Variants in CDC73 observed in about 807,000 individuals in gnomAD.
CDC73 encodes cell division cycle 73.
In CDC73, 21 loss-of-function variants were observed where a neutral mutation model predicts 83.7. That is an observed-to-expected ratio of 0.25 (90% CI 0.18 to 0.36). The LOEUF (loss-of-function observed/expected upper bound fraction) is 0.36. Among genes scored for constraint, CDC73 ranks in the 10% least tolerant of loss-of-function variants. The pLI is 1.00. For missense variants in CDC73, 342 were observed against 653.3 expected (o/e 0.52, Z 5.19); for synonymous variants, 224 against 212.9 (o/e 1.05, Z -0.45).
intron 15 of CDC73, among the ~76,000 whole-genome samples, chr1:193,244,204 A>C (rs1677912180): frequency 6.6e-6 from 1 of 152,246 alleles, no homozygotes; most frequent in African/African-American, 2.4e-5. Context: ...GTAAATCATT[A>C]TTTTATAACC....
At chr1:193,212,173 C>G in intron 12 of CDC73, 73 bp downstream of exon 12, 1 of 1,228,554 alleles carries the variant, frequency 8.1e-7, no homozygotes, top group Non-Finnish European at 1.2e-6. Context: ...TGATAATTTT[C>G]TTGTGCAGCT....
At chr1:193,181,254 G>C (rs770667754) in intron 10 of CDC73, 1 of 1,613,954 alleles carries the variant, frequency 6.2e-7, no homozygotes, top group African/African-American at 1.3e-5. Context: ...GTGGTGACAG[G>C]TCTGTGTTAT....
At chr1:193,181,002 T>G in intron 10 of CDC73, 1 of 1,613,690 alleles carries the variant, frequency 6.2e-7, no homozygotes, top group Non-Finnish European at 8.5e-7. Flanking sequence ...ACAAAAATAT[T>G]CTTGTGATTT....
At chr1:193,128,379 A>ACCC (rs1464277158) in intron 2 of CDC73, among the ~76,000 whole-genome samples, 2 of 151,558 alleles carry the variant, frequency 1.3e-5, no homozygotes, top group African/African-American at 4.9e-5. Context: ...CCACAGCCTT[A>ACCC]CCCTCCCGGG....
rs1678098499 is a variant in CDC73 at position 193,254,414 on chromosome 1, C to T, written c.*3702C>T. 6.6e-6 allele frequency among the ~76,000 whole-genome samples: 1 copy of T among 152,022 alleles called. No individual in the cohort carries two copies. The highest frequency in any genetic ancestry group is 2.4e-5 in the African/African-American group (1 of 41,426). On this transcript the variant is annotated 3_prime_UTR_variant, in exon 17 of 17. Transcript: ENST00000367435. ...TCACTTGTGTTTGAGATTCACCCAG[C>T]TATTCTAATGATAGAAATAAAAAGT...
At chr1:193,162,321 A>G (rs1676350335) in intron 10 of CDC73, among the ~76,000 whole-genome samples, 1 of 135,850 alleles carries the variant, frequency 7.4e-6, no homozygotes, top group South Asian at 2.1e-4. Context: ...TATATATCAT[A>G]TATACTATAT....
chr1:193,217,606 T>C (rs1230549255), intron 13 of CDC73, among the ~76,000 whole-genome samples: 2 of 152,028 alleles, frequency 1.3e-5, no homozygotes, highest in Admixed American at 1.3e-4. Context: ...ATCCAGCTGC[T>C]TGTGTCTTCT....
intron 13 of CDC73, among the ~76,000 whole-genome samples, chr1:193,212,860 T>C (rs1677302255): frequency 6.6e-6 from 1 of 152,140 alleles, no homozygotes. Context: ...GGGGCATAGT[T>C]ATTTAACCTA....
At chr1:193,211,389 A>G (rs957217322) in intron 11 of CDC73, among the ~76,000 whole-genome samples, 11 of 152,170 alleles carry the variant, frequency 7.2e-5, no homozygotes, top group Admixed American at 5.2e-4. Context: ...TTTATCGTAG[A>G]TGTTAGCAAC....
At chr1:193,172,760 C>A (rs1226483795) in intron 10 of CDC73, among the ~76,000 whole-genome samples, 1 of 152,108 alleles carries the variant, frequency 6.6e-6, no homozygotes, top group Non-Finnish European at 1.5e-5. Context: ...GTCAGGTCCA[C>A]CTAAATAGAA....
chr1:193,223,122 C>G (rs555515796), intron 13 of CDC73, among the ~76,000 whole-genome samples: 1 of 151,898 alleles, frequency 6.6e-6, no homozygotes, highest in East Asian at 1.9e-4. Flanking sequence ...TTTTCTAAGC[C>G]TTGGTTTTTG....
intron 10 of CDC73, among the ~76,000 whole-genome samples, chr1:193,196,960 A>G (rs1677013263): frequency 6.6e-6 from 1 of 152,034 alleles, no homozygotes; most frequent in Non-Finnish European, 1.5e-5. Flanking sequence ...TCTGGCTGGA[A>G]CTTTCAGTAT....
At chr1:193,131,035 T>C (rs1675684767) in intron 3 of CDC73, among the ~76,000 whole-genome samples, 2 of 152,216 alleles carry the variant, frequency 1.3e-5, no homozygotes, top group South Asian at 4.1e-4. Context: ...CTTTCAGTTT[T>C]ATGGCTCAGA....
rs1343485327 is a variant in CDC73 at position 193,161,729 on chromosome 1, A to T, written c.972+9285A>T. Among the ~76,000 whole-genome samples, 20 of 11,636 alleles carry T rather than the reference A, an allele frequency of 1.7e-3. 6 individuals carry two copies. The highest frequency in any genetic ancestry group is 2.2e-3 in the African/African-American group (9 of 4,130). 7.6% of individuals were successfully genotyped at this position (11,636 alleles called of 152,430 possible). A position where few individuals can be genotyped will look rare whatever the true frequency, so the allele number is the denominator to read the frequency against. Reference sequence around the variant, plus strand: ...ATCTATCATATAATATAATATATATAATATATAATATATATCATATTATAT... The same window carrying T: ...ATCTATCATATAATATAATATATATTATATATAATATATATCATATTATAT... On this transcript the variant is annotated intron_variant, in intron 10 of 16. Coordinates refer to ENST00000367435, the MANE Select transcript of CDC73 (RefSeq NM_024529.5).
rs1404558948 is a variant in CDC73 at position 193,253,274 on chromosome 1, T to C, written c.*2562T>C. ...ACAAGACCTGGTCATCAGTATTTTT[T>C]TTAAAGTTCTCCAGGTAATTTGAAT... On this transcript the variant is annotated 3_prime_UTR_variant, in exon 17 of 17. Transcript: ENST00000367435. The C allele has an allele frequency of 4.3e-6, 1 of 232,404 alleles. No homozygotes were observed. Among genetic ancestry groups the C allele is most frequent in the Non-Finnish European group, 8.5e-6 (1 of 117,568 alleles). 14.4% of individuals were successfully genotyped at this position (232,404 alleles called of 1,614,324 possible). A position where few individuals can be genotyped will look rare whatever the true frequency, so the allele number is the denominator to read the frequency against.
chr1:193,203,322 C>G (rs1677123222), intron 10 of CDC73, among the ~76,000 whole-genome samples: 1 of 152,004 alleles, frequency 6.6e-6, no homozygotes. Context: ...ATTTTAAAGG[C>G]ATTTAATTAT....
Position 193,147,952 on chromosome 1 carries a change from A to C in CDC73, c.815A>C (p.Asn272Thr). The C allele has an allele frequency of 6.2e-7, 1 of 1,610,666 alleles. No individual in the cohort carries two copies. The highest frequency in any genetic ancestry group is 8.5e-7 in the Non-Finnish European group (1 of 1,176,820). Residue 272 changes from asparagine to threonine, a missense_variant, in exon 8 of 17, where the codon AAT becomes ACT. Around this residue, in one of 3 missense-constraint regions of CDC73, gnomAD observed 239 missense variants for 420.6 expected, o/e 0.57. Transcript: ENST00000367435. The part of the protein sequence containing the change: ...GRAPEQRPAP[N>T]AAPVDPTLRT... ...GCACCTGAACAGCGACCTGCCCCAA[A>C]TGCAGCACCTGTGGTAAGAATGCTT...
intron 10 of CDC73, among the ~76,000 whole-genome samples, chr1:193,190,481 T>C (rs938291285): frequency 2.0e-5 from 3 of 152,254 alleles, no homozygotes; most frequent in African/African-American, 7.2e-5. Context: ...ATGAACCAGC[T>C]TTACTTTCCT....
At chr1:193,131,447 A>G (rs1675691788) in intron 3 of CDC73, among the ~76,000 whole-genome samples, 1 of 152,170 alleles carries the variant, frequency 6.6e-6, no homozygotes, top group Non-Finnish European at 1.5e-5. Flanking sequence ...GCTTCCTCAC[A>G]GGTCCCCACT....
Sources: gnomAD v4.1 joint callset for allele counts (sites outside exome capture counted in the v4.1 genomes callset) on GRCh38, gnomAD v4.1.1 for gene constraint, gnomAD v4.1.1 regional missense constraint, MANE v1.5 for transcripts, NCBI Gene and HGNC (gene_info 2026-07-23, HGNC 2026-07-21) for gene names.